HUNK: variants seen among roughly 807,000 people sequenced by gnomAD.
HUNK encodes the protein hormonally up-regulated neu tumor-associated kinase.
HUNK carries 21 observed loss-of-function variants against 61.0 expected under a neutral mutation model. The observed-to-expected ratio is 0.34, with a 90% CI of 0.24 to 0.50. The LOEUF (loss-of-function observed/expected upper bound fraction) is 0.50. Among genes scored for constraint, HUNK ranks in the 20% least tolerant of loss-of-function variants. The probability of loss-of-function intolerance (pLI) is 0.98; values close to 1 mark genes in which losing one functional copy is unlikely to be tolerated. For missense variants in HUNK, 772 were observed against 945.7 expected, an observed-to-expected ratio of 0.82 and a Z score of 2.41; for synonymous variants, 371 against 386.1, an observed-to-expected ratio of 0.96 and a Z score of 0.46.
chr21:31,926,658 T>G (rs1211121031), intron 2 of HUNK, among the ~76,000 whole-genome samples: 1 of 152,226 alleles, frequency 6.6e-6, no homozygotes, highest in Admixed American at 6.5e-5. Flanking sequence ...TTTGTCTAAG[T>G]TATAGCATGT....
At chr21:31,950,886 T>C (rs1434278794) in intron 4 of HUNK, among the ~76,000 whole-genome samples, 1 of 152,136 alleles carries the variant, frequency 6.6e-6, no homozygotes, top group East Asian at 1.9e-4. Context: ...CTCCCCTCCC[T>C]GGAGGCTTTG....
At chr21:31,912,296 G>T (rs2052551787) in intron 1 of HUNK, among the ~76,000 whole-genome samples, 1 of 152,132 alleles carries the variant, frequency 6.6e-6, no homozygotes, top group South Asian at 2.1e-4. Context: ...CTGGAAGGGG[G>T]TTCTGAAAGT....
At chr21:31,968,047 C>A (rs2123848828) in intron 5 of HUNK, among the ~76,000 whole-genome samples, 1 of 152,096 alleles carries the variant, frequency 6.6e-6, no homozygotes, top group East Asian at 1.9e-4. Flanking sequence ...TTCCACACCC[C>A]TCCTGTCTGA....
intron 9 of HUNK, among the ~76,000 whole-genome samples, chr21:31,992,297 G>A (rs73354676): frequency 0.023 from 3,534 of 152,344 alleles, 135 homozygotes; most frequent in African/African-American, 0.081. Context: ...TCCCCCTCCT[G>A]TAGGCATCTC....
chr21:31,918,548 C>A (rs1269605637), intron 1 of HUNK, among the ~76,000 whole-genome samples: 1 of 152,206 alleles, frequency 6.6e-6, no homozygotes, highest in Non-Finnish European at 1.5e-5. Context: ...AGTAGGGCCA[C>A]GCTTCCTCCA....
At chr21:31,916,064 T>TG (rs1478697463) in intron 1 of HUNK, among the ~76,000 whole-genome samples, 1 of 143,832 alleles carries the variant, frequency 7.0e-6, no homozygotes, top group African/African-American at 2.6e-5. Flanking sequence ...TTTTTTTTTT[T>TG]TTTTGAGACG....
rs1300308243 is a variant in HUNK at position 32,001,341 on chromosome 21, T to C, written c.*2157T>C. ...ATAATCATCTAAGACCATCTCTCCA[T>C]TCGACATGAAGTGTACCTTTTCTAA... On this transcript the variant is annotated 3_prime_UTR_variant, in exon 11 of 11. Transcript: ENST00000270112. 6.6e-6 allele frequency: 1 copy of C among 152,154 alleles called. No homozygotes were observed. The highest frequency in any genetic ancestry group is 1.5e-5 in the Non-Finnish European group (1 of 68,034). The allele number at this position is 152,154 out of a possible 1,614,324, so 9.4% of individuals were successfully genotyped here. A position where few individuals can be genotyped will look rare whatever the true frequency, so the allele number is the denominator to read the frequency against.
intron 6 of HUNK, among the ~76,000 whole-genome samples, chr21:31,971,650 G>A (rs1385645175): frequency 6.6e-6 from 1 of 151,956 alleles, no homozygotes; most frequent in Non-Finnish European, 1.5e-5. Context: ...TAAAGGTCTC[G>A]TATTTTACAT....
chr21:31,977,498 C>G (rs1106544), intron 7 of HUNK, among the ~76,000 whole-genome samples: 61,322 of 152,026 alleles, frequency 0.4, 12,842 homozygotes, highest in South Asian at 0.49. Flanking sequence ...AAACATTTTT[C>G]TTTTGGTGGA....
At chr21:31,885,389 C>T (rs2052339168) in intron 1 of HUNK, among the ~76,000 whole-genome samples, 1 of 152,220 alleles carries the variant, frequency 6.6e-6, no homozygotes. Flanking sequence ...GTTGGAATTC[C>T]TGTGGCCTCG....
At chr21:31,909,924 G>A (rs901733642) in intron 1 of HUNK, among the ~76,000 whole-genome samples, 6 of 152,058 alleles carry the variant, frequency 3.9e-5, no homozygotes, top group African/African-American at 9.7e-5. Flanking sequence ...CCTTTTATGC[G>A]GAATTCAGGC....
intron 2 of HUNK, among the ~76,000 whole-genome samples, chr21:31,935,739 A>G (rs951622599): frequency 1.3e-5 from 2 of 152,206 alleles, no homozygotes; most frequent in African/African-American, 4.8e-5. Context: ...CAAGTGAATC[A>G]CACCATTTTT....
At chr21:31,931,421 G>A (rs370011387) in intron 2 of HUNK, among the ~76,000 whole-genome samples, 3 of 152,188 alleles carry the variant, frequency 2.0e-5, no homozygotes, top group Admixed American at 6.5e-5. Flanking sequence ...CTCTCACCTC[G>A]TAAATGGAGT....
At chr21:31,881,101 A>G (rs1469612015) in intron 1 of HUNK, among the ~76,000 whole-genome samples, 1 of 152,194 alleles carries the variant, frequency 6.6e-6, no homozygotes, top group African/African-American at 2.4e-5. Context: ...CTCACAGCTG[A>G]TAGCCTGCAG....
intron 4 of HUNK, 34 bp downstream of exon 4, chr21:31,946,205 T>C: frequency 6.3e-7 from 1 of 1,593,906 alleles, no homozygotes; most frequent in South Asian, 1.1e-5. Flanking sequence ...TCAGTGTTCC[T>C]CCTGCTGTCT....
chr21:31,889,090 C>T (rs377712066), intron 1 of HUNK, among the ~76,000 whole-genome samples: 6 of 152,254 alleles, frequency 3.9e-5, no homozygotes, highest in Middle Eastern at 3.4e-3. Context: ...TGCATTCTTA[C>T]GTCACACAGT....
At chr21:31,975,331 A>G (rs1261088159) in intron 7 of HUNK, among the ~76,000 whole-genome samples, 1 of 152,152 alleles carries the variant, frequency 6.6e-6, no homozygotes, top group Non-Finnish European at 1.5e-5. Flanking sequence ...CATTTTTGCC[A>G]CAAGCAGTTT....
Position 31,895,921 on chromosome 21 carries a change from G to A in HUNK, c.261+21986G>A, listed in dbSNP as rs530226888. ...GTCCTAACCCCCAGTATCTCAGAAGGTGACTGCATTTGGAGATAGGATCAT... is the reference window on the plus strand; with the variant it reads ...GTCCTAACCCCCAGTATCTCAGAAGATGACTGCATTTGGAGATAGGATCAT... On this transcript the variant is annotated intron_variant, in intron 1 of 10. Coordinates refer to ENST00000270112, the MANE Select transcript of HUNK (RefSeq NM_014586.2). Among the ~76,000 whole-genome samples, 4 of 152,318 alleles carry A rather than the reference G, an allele frequency of 2.6e-5. No individual in the cohort carries two copies. The South Asian group carries it at 8.3e-4, about 32-fold the overall frequency.
chr21:31,882,620 G>A (rs1008649098), intron 1 of HUNK, among the ~76,000 whole-genome samples: 2 of 152,198 alleles, frequency 1.3e-5, no homozygotes, highest in African/African-American at 4.8e-5. Context: ...TCAAGCCAGA[G>A]TATCGGCGTG....
Sources: allele counts gnomAD v4.1 joint callset (sites outside exome capture counted in the v4.1 genomes callset), GRCh38; gene constraint gnomAD v4.1.1; transcripts MANE v1.5; gene names NCBI Gene and HGNC (gene_info 2026-07-23, HGNC 2026-07-21).